Variants in PCDHA7 observed in about 807,000 individuals in gnomAD.
PCDHA7 encodes protocadherin alpha-7.
In PCDHA7, 37 loss-of-function variants were observed where a neutral mutation model predicts 57.2. The observed-to-expected ratio is 0.65, with a 90% CI of 0.50 to 0.85. The LOEUF is 0.85. PCDHA7 is among the 40% of genes least tolerant of loss of function. The probability of loss-of-function intolerance (pLI) is 0.00; values close to 1 mark genes in which losing one functional copy is unlikely to be tolerated. For missense variants in PCDHA7, 1,188 were observed against 1,241.8 expected (o/e 0.96, Z 0.65); for synonymous variants, 553 against 558.8 (o/e 0.99, Z 0.15).
At chr5:140,968,770 A>G in intron 1 of PCDHA7, 2 of 1,614,216 alleles carry the variant, frequency 1.2e-6, no homozygotes, top group Non-Finnish European at 1.7e-6. Context: ...ATGGAGAGCC[A>G]TCACTATCAG....
At chr5:140,870,777 C>G in intron 1 of PCDHA7, 3 of 1,613,612 alleles carry the variant, frequency 1.9e-6, no homozygotes, top group East Asian at 4.5e-5. Context: ...TGGACGAGAA[C>G]GACAACGCGC....
At chr5:140,883,697 G>A (rs376619145) in intron 1 of PCDHA7, 3 of 1,613,880 alleles carry the variant, frequency 1.9e-6, no homozygotes, top group South Asian at 1.1e-5. Flanking sequence ...CATCTTCACG[G>A]TGTCTGCTCA....
Position 140,836,738 on chromosome 5 carries a change from T to C in PCDHA7, c.2355T>C (p.Asn785=). Reference sequence around the variant, plus strand: ...CTCAGGGTCCATCCTCTACAGACAATGTGAGTCATAAATAATCTTGTTTCC... The same window carrying C: ...CTCAGGGTCCATCCTCTACAGACAACGTGAGTCATAAATAATCTTGTTTCC... ...SLPQGPSSTD[N]PRQPNPDWRY... The change falls in exon 1 of 4, where the codon AAT becomes AAC. Residue 785 remains asparagine (N), a splice_region_variant and synonymous_variant. Coordinates refer to ENST00000525929, the MANE Select transcript of PCDHA7 (RefSeq NM_018910.3). The C allele has an allele frequency of 6.2e-7, 1 of 1,603,644 alleles. No homozygotes were observed. Among genetic ancestry groups the C allele is most frequent in the Non-Finnish European group, 8.5e-7 (1 of 1,175,168 alleles).
chr5:140,960,482 G>GTGTA (rs1585840878), intron 1 of PCDHA7, among the ~76,000 whole-genome samples: 1 of 152,150 alleles, frequency 6.6e-6, no homozygotes, highest in Non-Finnish European at 1.5e-5. Context: ...TTACACAGAG[G>GTGTA]TGTAGGTTTG....
chr5:140,868,900 G>A (rs2050728202), intron 1 of PCDHA7: 1 of 811,546 alleles, frequency 1.2e-6, no homozygotes, highest in Non-Finnish European at 1.9e-6. Flanking sequence ...GCAAGGTGTC[G>A]CTCTTTACTT....
chr5:140,852,012 T>C (rs2042217314), intron 1 of PCDHA7: 1 of 965,684 alleles, frequency 1.0e-6, no homozygotes, highest in East Asian at 1.1e-4. Context: ...TAATTTATAG[T>C]TTTAAAAACT....
At chr5:140,845,196 T>C (rs1470721997) in intron 1 of PCDHA7, among the ~76,000 whole-genome samples, 3 of 149,356 alleles carry the variant, frequency 2.0e-5, no homozygotes, top group African/African-American at 7.4e-5. Flanking sequence ...AATATGATTG[T>C]TTTCATTTAA....
intron 1 of PCDHA7, chr5:140,881,430 T>G: frequency 1.1e-6 from 1 of 889,582 alleles, no homozygotes; most frequent in Non-Finnish European, 1.3e-6. Flanking sequence ...TCCAGGCATA[T>G]TTTATAAAAA....
At chr5:140,862,749 G>A (rs993473584) in intron 1 of PCDHA7, 2 of 579,518 alleles carry the variant, frequency 3.5e-6, no homozygotes, top group Non-Finnish European at 6.7e-6. Context: ...GGGTGCACGC[G>A]GAGAGCGGCA....
chr5:140,842,561 G>A (rs2150339210), intron 1 of PCDHA7: 1 of 1,492,420 alleles, frequency 6.7e-7, no homozygotes, highest in Admixed American at 1.9e-5. Context: ...CAGCGCCCTG[G>A]ACCGCGAGAG....
intron 1 of PCDHA7, among the ~76,000 whole-genome samples, chr5:140,881,594 A>C (rs1464236535): frequency 6.6e-6 from 1 of 152,244 alleles, no homozygotes; most frequent in Non-Finnish European, 1.5e-5. Flanking sequence ...AGGGAAATTT[A>C]TTAATATGAT....
intron 1 of PCDHA7, chr5:140,868,350 A>G (rs962248912): frequency 6.6e-6 from 1 of 152,186 alleles, no homozygotes; most frequent in East Asian, 1.9e-4. Flanking sequence ...ATAATCAGAA[A>G]GCAATTAAAT....
chr5:141,009,948 T>C lies in PCDHA7; in HGVS notation c.*11T>C, dbSNP rs201131092. 1 of 1,595,948 alleles carries C rather than the reference T, an allele frequency of 6.3e-7. No individual in the cohort carries two copies. The highest frequency in any genetic ancestry group is 1.4e-5 in the African/African-American group (1 of 73,610). On this transcript the variant is annotated 3_prime_UTR_variant, in exon 4 of 4. Coordinates refer to ENST00000525929, the MANE Select transcript of PCDHA7 (RefSeq NM_018910.3). ...AACAGTGACCAGTGAGGTCCTCAAA[T>C]GGAAACAAGCCACTTAGCCAGTTTT...
chr5:140,883,973 G>A (rs782157297), intron 1 of PCDHA7: 45 of 1,612,722 alleles, frequency 2.8e-5, no homozygotes, highest in Non-Finnish European at 3.5e-5. Flanking sequence ...GCTGACGCCC[G>A]GGGCTGGCAG....
At chr5:140,889,113 G>C (rs1256051132) in intron 1 of PCDHA7, among the ~76,000 whole-genome samples, 1 of 151,370 alleles carries the variant, frequency 6.6e-6, no homozygotes, top group East Asian at 1.9e-4. Context: ...TTTATTCCAG[G>C]TGATACTGAT....
At chr5:140,956,925 G>GA (rs1487375223) in intron 1 of PCDHA7, among the ~76,000 whole-genome samples, 1 of 151,858 alleles carries the variant, frequency 6.6e-6, no homozygotes, top group Non-Finnish European at 1.5e-5. Context: ...AATCTTGCTG[G>GA]ATATAGGATA....
At position 141,009,636 on chromosome 5, in the gene PCDHA7, C is replaced by T. The variant is rs782321757; in HGVS notation, c.2513C>T (p.Ala838Val). ...ATGTTTTGTCTTTCAGAACCAGAGG[C>T]AGGAGAAGTGTCCCCTCCAGTCGGT... ...TVSSATPEPE[A>V]GEVSPPVGAG... Residue 838 changes from alanine (A) to valine (V), a missense_variant, in exon 4 of 4, where the codon GCA becomes GTA. Physicochemically the swap from Ala to Val is moderately conservative, Grantham distance 64. This residue lies in a region of PCDHA7 where 892 missense variants were observed against 788.5 expected (regional missense o/e 1.13). Transcript: ENST00000525929. 3.7e-6 allele frequency: 6 copies of T among 1,613,192 alleles called. No homozygotes were observed. Among genetic ancestry groups the T allele is most frequent in the Non-Finnish European group, 4.2e-6 (5 of 1,179,532 alleles).
intron 1 of PCDHA7, among the ~76,000 whole-genome samples, chr5:140,890,562 C>T (rs1456006217): frequency 1.3e-5 from 2 of 151,980 alleles, no homozygotes; most frequent in Non-Finnish European, 2.9e-5. Flanking sequence ...TTTTATTGTT[C>T]CATTTCCTTC....
intron 1 of PCDHA7, chr5:140,856,936 A>C: frequency 6.3e-7 from 1 of 1,594,202 alleles, no homozygotes. Flanking sequence ...GGATAAACGA[A>C]AGGACGGGAG....
Sources: gnomAD v4.1 joint callset for allele counts (sites outside exome capture counted in the v4.1 genomes callset) on GRCh38, gnomAD v4.1.1 for gene constraint, gnomAD v4.1.1 regional missense constraint, MANE v1.5 for transcripts, NCBI Gene and HGNC (gene_info 2026-07-23, HGNC 2026-07-21) for gene names.